The following SDK1 variants were observed in gnomAD, a reference collection of about 807,000 sequenced individuals.
The protein encoded by SDK1 is sidekick cell adhesion molecule 1.
In SDK1, 157 loss-of-function variants were observed where a neutral mutation model predicts 245.5. The observed-to-expected ratio is 0.64, with a 90% confidence interval of 0.56 to 0.73. The LOEUF (loss-of-function observed/expected upper bound fraction) is 0.73. Among genes scored for constraint, SDK1 ranks in the 30% least tolerant of loss-of-function variants. The pLI is 0.00. For synonymous variants in SDK1, 1,647 were observed against 1,278.5 expected, an observed-to-expected ratio of 1.29 and a Z score of -6.15; for missense variants, 3,583 against 3,002.3, an observed-to-expected ratio of 1.19 and a Z score of -4.52.
At chr7:4,097,288 G>T (rs1782217365) in intron 22 of SDK1, among the ~76,000 whole-genome samples, 2 of 92,280 alleles carry the variant, frequency 2.2e-5, no homozygotes, top group South Asian at 6.7e-4. Flanking sequence ...CTCTCAGGTT[G>T]CTGTGTTTGG....
At chr7:4,106,597 G>GCC (rs1444064037) in intron 22 of SDK1, among the ~76,000 whole-genome samples, 2 of 152,116 alleles carry the variant, frequency 1.3e-5, no homozygotes, top group East Asian at 3.9e-4. Context: ...CGCCCGGCCA[G>GCC]CCCCCGTTTG....
At chr7:3,349,701 G>T (rs997063355) in intron 1 of SDK1, among the ~76,000 whole-genome samples, 1 of 152,126 alleles carries the variant, frequency 6.6e-6, no homozygotes, top group Admixed American at 6.5e-5. Context: ...CCGGGTTCAC[G>T]CCCTTCTCCT....
At chr7:3,684,238 C>G (rs1784203762) in intron 4 of SDK1, among the ~76,000 whole-genome samples, 1 of 152,174 alleles carries the variant, frequency 6.6e-6, no homozygotes. Flanking sequence ...AGAAGCTGTG[C>G]AAGTTAACTA....
intron 4 of SDK1, among the ~76,000 whole-genome samples, chr7:3,692,621 G>T (rs992141): frequency 0.81 from 122,603 of 151,930 alleles, 49,593 homozygotes; most frequent in Non-Finnish European, 0.85. Context: ...TAAACTCTTG[G>T]CTACATGTTT....
chr7:4,249,669 A>G (rs1182723424), intron 44 of SDK1, among the ~76,000 whole-genome samples: 1 of 152,186 alleles, frequency 6.6e-6, no homozygotes, highest in Non-Finnish European at 1.5e-5. Flanking sequence ...GAGTGGATAA[A>G]GCGTAGCCTC....
chr7:3,820,290 C>G (rs182066484), intron 4 of SDK1, among the ~76,000 whole-genome samples: 99 of 152,272 alleles, frequency 6.5e-4, no homozygotes, highest in Admixed American at 2.5e-3. Flanking sequence ...GCTGGGACTA[C>G]AGGCGTGTGC....
chr7:3,514,264 A>G (rs904968551), intron 1 of SDK1, among the ~76,000 whole-genome samples: 59 of 152,176 alleles, frequency 3.9e-4, no homozygotes, highest in African/African-American at 1.4e-3. Context: ...GAAGTAGACT[A>G]TGTTGTACAG....
intron 4 of SDK1, among the ~76,000 whole-genome samples, chr7:3,681,784 T>C (rs1784107513): frequency 6.6e-6 from 1 of 152,220 alleles, no homozygotes; most frequent in South Asian, 2.1e-4. Flanking sequence ...GATAGCTTTC[T>C]ATTTATTGAT....
At chr7:3,623,528 G>A (rs1207915715) in intron 2 of SDK1, among the ~76,000 whole-genome samples, 10 of 151,858 alleles carry the variant, frequency 6.6e-5, no homozygotes, top group Non-Finnish European at 8.8e-5. Flanking sequence ...GGTGTGAGCC[G>A]CTGCACCCGG....
chr7:3,409,159 C>G lies in SDK1; in HGVS notation c.298+107275C>G, dbSNP rs1779131119. ...ATCATATGAACTGACACTTCTGCTT[C>G]AGATTAACATGAGCCTTGTTATTCA... On this transcript the variant is annotated intron_variant, in intron 1 of 44. Transcript: ENST00000404826. Among the ~76,000 whole-genome samples the G allele has an allele frequency of 2.0e-5, 3 of 152,330 alleles. No individual in the cohort carries two copies. In the South Asian group the frequency reaches 6.2e-4, roughly 32 times the overall value.
intron 40 of SDK1, among the ~76,000 whole-genome samples, chr7:4,224,292 GCCCCAGGAAATCATGGGGAGA>G (rs1044799559): frequency 6.6e-6 from 1 of 152,230 alleles, no homozygotes; most frequent in Non-Finnish European, 1.5e-5. Flanking sequence ...TTCTGGGGAG[GCCCCAGGAAATCATGGGGAGA>G]CCCCAGGAAG....
At chr7:4,008,651 T>G (rs910164997) in intron 14 of SDK1, among the ~76,000 whole-genome samples, 2 of 152,180 alleles carry the variant, frequency 1.3e-5, no homozygotes, top group Non-Finnish European at 2.9e-5. Flanking sequence ...AAGGAAGGAA[T>G]GTGAGCTGCT....
At chr7:3,642,632 C>T (rs944568126) in intron 4 of SDK1, among the ~76,000 whole-genome samples, 2 of 152,324 alleles carry the variant, frequency 1.3e-5, no homozygotes, top group African/African-American at 4.8e-5. Flanking sequence ...CCATCTATTG[C>T]AGAATAGTTG....
At chr7:4,065,272 T>G (rs1052335319) in intron 19 of SDK1, among the ~76,000 whole-genome samples, 3 of 152,206 alleles carry the variant, frequency 2.0e-5, no homozygotes, top group African/African-American at 7.2e-5. Context: ...CTTTAGCTGA[T>G]GGTGCTGTAG....
At chr7:4,176,510 G>A (rs965185610) in intron 34 of SDK1, among the ~76,000 whole-genome samples, 13 of 152,102 alleles carry the variant, frequency 8.5e-5, no homozygotes, top group Non-Finnish European at 1.6e-4. Context: ...ACAGAAAATG[G>A]ACCTTCTTAA....
chr7:4,066,264 A>AGAGAGGAG (rs372620420), intron 19 of SDK1, among the ~76,000 whole-genome samples: 1,992 of 152,194 alleles, frequency 0.013, 46 homozygotes, highest in African/African-American at 0.04. Flanking sequence ...GGGCATTGTC[A>AGAGAGGAG]GAGAGGAGGT....
At chr7:3,567,993 TG>T (rs1184067406) in intron 1 of SDK1, among the ~76,000 whole-genome samples, 2 of 152,088 alleles carry the variant, frequency 1.3e-5, no homozygotes, top group African/African-American at 2.4e-5. Flanking sequence ...ATTTTTTGAT[TG>T]TTTTTTTGCA....
intron 13 of SDK1, among the ~76,000 whole-genome samples, chr7:3,986,371 A>T (rs1783826263): frequency 6.6e-6 from 1 of 152,222 alleles, no homozygotes; most frequent in Non-Finnish European, 1.5e-5. Context: ...ATGACAATGT[A>T]ACCTCATGCT....
chr7:3,475,171 T>TA (rs1482042850), intron 1 of SDK1, among the ~76,000 whole-genome samples: 1 of 152,242 alleles, frequency 6.6e-6, no homozygotes, highest in African/African-American at 2.4e-5. Flanking sequence ...AGCTGATGAC[T>TA]AGTTAGTTCC....
Sources: gnomAD v4.1 joint callset for allele counts (sites outside exome capture counted in the v4.1 genomes callset) on GRCh38, gnomAD v4.1.1 for gene constraint, MANE v1.5 for transcripts, NCBI Gene and HGNC (gene_info 2026-07-23, HGNC 2026-07-21) for gene names.